SNX13: variants seen among roughly 807,000 people sequenced by gnomAD.
SNX13 encodes the protein sorting nexin 13.
Under a neutral mutation model 133.6 loss-of-function variants are expected in SNX13, and 45 were observed. The observed-to-expected ratio is 0.34, with a 90% CI of 0.27 to 0.43. The LOEUF (loss-of-function observed/expected upper bound fraction) is 0.43. Ranked by LOEUF, SNX13 falls within the 20% of genes least tolerant of loss-of-function variation. SNX13 has a pLI of 1.00. For synonymous variants in SNX13, 414 were observed against 373.9 expected (o/e 1.11, Z -1.24); for missense variants, 1,032 against 1,145.1 (o/e 0.90, Z 1.43).
chr7:17,893,119 T>C (rs889854049), intron 3 of SNX13, among the ~76,000 whole-genome samples: 1 of 152,226 alleles, frequency 6.6e-6, no homozygotes, highest in African/African-American at 2.4e-5. Context: ...TTCTCAAGTT[T>C]GTATTCCCAC....
At chr7:17,839,722 T>A in intron 13 of SNX13, 85 bp downstream of exon 13, 1 of 1,049,168 alleles carries the variant, frequency 9.5e-7, no homozygotes, top group Non-Finnish European at 1.3e-6. Flanking sequence ...GTTTTCGAGG[T>A]AGTCAGCCTG....
rs1033052665 is a variant in SNX13, at chr7:17,792,512, G to C, written c.*1533C>G. The C allele has an allele frequency of 2.0e-5, 3 of 152,324 alleles. No individual in the cohort carries two copies. 9.4% of individuals were successfully genotyped at this position (152,324 alleles called of 1,614,324 possible). ...GTTAATAACCCTCACTTTGTAAGTAGGATCTAAGTGAAAACAAGACAGTGA... is the reference window on the plus strand; with the variant it reads ...GTTAATAACCCTCACTTTGTAAGTACGATCTAAGTGAAAACAAGACAGTGA... On this transcript the variant is annotated 3_prime_UTR_variant, in exon 26 of 26. Coordinates refer to ENST00000428135, the MANE Select transcript of SNX13 (RefSeq NM_015132.5).
intron 24 of SNX13, among the ~76,000 whole-genome samples, chr7:17,797,192 T>C (rs1784146695): frequency 6.6e-6 from 1 of 151,842 alleles, no homozygotes; most frequent in South Asian, 2.1e-4. Context: ...TAAACACTAA[T>C]GAAGACAGCA....
chr7:17,890,145 G>A (rs1199384310), intron 5 of SNX13: 1 of 375,978 alleles, frequency 2.7e-6, no homozygotes, highest in African/African-American at 2.1e-5. Flanking sequence ...TTAGAAAGCA[G>A]GGCTTAATCA....
intron 9 of SNX13, among the ~76,000 whole-genome samples, chr7:17,862,535 G>A (rs1792841535): frequency 1.3e-5 from 2 of 152,026 alleles, no homozygotes; most frequent in Admixed American, 1.3e-4. Context: ...TTTTTCTAAA[G>A]AATGGGATAT....
chr7:17,814,575 T>C lies in SNX13; in HGVS notation c.2064+259A>G, dbSNP rs909037751. Among the ~76,000 whole-genome samples, 18 of 152,262 alleles carry C rather than the reference T, an allele frequency of 1.2e-4. No homozygotes were observed. The South Asian group carries it at 1.7e-3, about 14-fold the overall frequency. The stretch of plus-strand genomic sequence containing the variant: ...AAGATAACGAAAAGCTTGTGACTTG[T>C]CTCAGGCAAACTTTTCTTAATGTAC... On this transcript the variant is annotated intron_variant, in intron 20 of 25. Coordinates refer to ENST00000428135, the MANE Select transcript of SNX13 (RefSeq NM_015132.5).
At chr7:17,912,415 C>CTTTT (rs34849896) in intron 1 of SNX13, among the ~76,000 whole-genome samples, 1 of 147,734 alleles carries the variant, frequency 6.8e-6, no homozygotes, top group Non-Finnish European at 1.5e-5. Flanking sequence ...GAGGAAAATG[C>CTTTT]TTTTTTTTTT....
rs975076293 is a variant in SNX13 at position 17,844,570 on chromosome 7, A to C, written c.1165+1025T>G. ...ATTCTATGAGGCCAGCATTATCCTG[A>C]AAACAGAACCAGATAAAGATAGTAC... is the stretch of plus-strand genomic sequence containing the variant. On this transcript the variant is annotated intron_variant, in intron 12 of 25. Transcript: ENST00000428135. 2.0e-5 allele frequency among the ~76,000 whole-genome samples: 3 copies of C among 152,100 alleles called. No individual in the cohort carries two copies. The South Asian group carries it at 6.2e-4, about 31-fold the overall frequency.
intron 18 of SNX13, among the ~76,000 whole-genome samples, chr7:17,820,871 G>T (rs1302084596): frequency 2.0e-5 from 3 of 151,938 alleles, no homozygotes; most frequent in Non-Finnish European, 4.4e-5. Flanking sequence ...ATTCATCAAA[G>T]ATCTTTTTTT....
intron 13 of SNX13, among the ~76,000 whole-genome samples, chr7:17,837,596 T>C (rs1789294622): frequency 6.6e-6 from 1 of 152,040 alleles, no homozygotes; most frequent in African/African-American, 2.4e-5. Context: ...CAACTGTTTG[T>C]CAATCAGGTC....
chr7:17,825,032 GTTCTGGGATTACAGGC>G, intron 17 of SNX13, among the ~76,000 whole-genome samples: 1 of 152,084 alleles, frequency 6.6e-6, no homozygotes, highest in South Asian at 2.1e-4. Context: ...CCTCCCAAAA[GTTCTGGGATTACAGGC>G]GTGAGCCACC....
rs560500472 is a variant in SNX13 at position 17,817,002 on chromosome 7, A to T, written c.1846-713T>A. ...AGGCAATTTTCAAAATACAGATAGT[A>T]GTTATATAACCCCGTGTATACACAA... On this transcript the variant is annotated intron_variant, in intron 18 of 25. Transcript: ENST00000428135. Among the ~76,000 whole-genome samples, 176 of 152,370 alleles carry T rather than the reference A, an allele frequency of 1.2e-3. 1 individual carries two copies. Among genetic ancestry groups the T allele is most frequent in the Admixed American group, 4.2e-3 (64 of 15,304 alleles).
intron 20 of SNX13, among the ~76,000 whole-genome samples, chr7:17,807,587 G>C (rs1785462181): frequency 6.6e-6 from 1 of 152,238 alleles, no homozygotes; most frequent in Non-Finnish European, 1.5e-5. Context: ...GAGAGAGGCA[G>C]ATCTCCCAGC....
intron 3 of SNX13, among the ~76,000 whole-genome samples, 189 bp downstream of exon 3, chr7:17,893,143 C>T (rs1330646512): frequency 6.6e-6 from 1 of 152,158 alleles, no homozygotes; most frequent in Admixed American, 6.6e-5. Context: ...TTAAATCTAA[C>T]ACTAAGAAAG....
intron 1 of SNX13, among the ~76,000 whole-genome samples, chr7:17,935,107 AAAG>A (rs1159600805): frequency 6.6e-6 from 1 of 152,214 alleles, no homozygotes; most frequent in Non-Finnish European, 1.5e-5. Context: ...AATCCAAGAC[AAAG>A]AATCAACCTA....
intron 1 of SNX13, among the ~76,000 whole-genome samples, chr7:17,920,250 T>A (rs963671678): frequency 6.6e-6 from 1 of 152,232 alleles, no homozygotes; most frequent in Non-Finnish European, 1.5e-5. Flanking sequence ...CATGATATAC[T>A]ATAATTATGT....
chr7:17,891,640 A>C lies in SNX13; in HGVS notation c.229-5T>G. The C allele has an allele frequency of 1.9e-6, 3 of 1,603,720 alleles. No homozygotes were observed. Among genetic ancestry groups the C allele is most frequent in the Non-Finnish European group, 2.6e-6 (3 of 1,172,126 alleles). On this transcript the variant is annotated splice_polypyrimidine_tract_variant and splice_region_variant and intron_variant, in intron 3 of 25. Transcript: ENST00000428135. Reference sequence around the variant, plus strand: ...CCGTTTCATTTCTTCTAAGCACTTAAAGGAAATCAAAATATCTTACTGAGT... The same window carrying C: ...CCGTTTCATTTCTTCTAAGCACTTACAGGAAATCAAAATATCTTACTGAGT...
At chr7:17,936,959 C>G (rs1239498006) in intron 1 of SNX13, among the ~76,000 whole-genome samples, 1 of 146,720 alleles carries the variant, frequency 6.8e-6, no homozygotes, top group Non-Finnish European at 1.5e-5. Context: ...GCAGGAAGTC[C>G]TAACAGGAGC....
chr7:17,889,851 C>T (rs1356958686), intron 5 of SNX13: 1 of 152,094 alleles, frequency 6.6e-6, no homozygotes, highest in South Asian at 2.1e-4. Context: ...CCAAAATATA[C>T]TTCTTTTCTG....
Sources: allele counts gnomAD v4.1 joint callset (sites outside exome capture counted in the v4.1 genomes callset), GRCh38; gene constraint gnomAD v4.1.1; transcripts MANE v1.5; gene names NCBI Gene and HGNC (gene_info 2026-07-23, HGNC 2026-07-21).